PPP2R2B: variants seen among roughly 807,000 people sequenced by gnomAD.
The protein encoded by PPP2R2B is serine/threonine-protein phosphatase 2A 55 kDa regulatory subunit B beta isoform.
Under a neutral mutation model 46.0 loss-of-function variants are expected in PPP2R2B, and 5 were observed. The observed-to-expected ratio is 0.11, with a 90% CI of 0.06 to 0.23. The LOEUF (loss-of-function observed/expected upper bound fraction) is 0.23. PPP2R2B is among the 10% of genes least tolerant of loss of function. PPP2R2B has a pLI of 1.00. For synonymous variants in PPP2R2B, 215 were observed against 206.7 expected, an observed-to-expected ratio of 1.04 and a Z score of -0.34; for missense variants, 367 against 575.0, an observed-to-expected ratio of 0.64 and a Z score of 3.70.
At chr5:146,862,871 A>C (rs116583997) in intron 2 of PPP2R2B, among the ~76,000 whole-genome samples, 3,119 of 151,630 alleles carry the variant, frequency 0.021, 36 homozygotes, top group Middle Eastern at 0.051. Context: ...AAAAAAAAAA[A>C]AAAAAACCCT....
intron 1 of PPP2R2B, among the ~76,000 whole-genome samples, chr5:146,945,508 T>C (rs114290362): frequency 1.6e-3 from 242 of 152,326 alleles, no homozygotes; most frequent in Middle Eastern, 6.8e-3. Flanking sequence ...CCAAGTCCGA[T>C]ATATTGACTA....
At chr5:146,880,657 A>G (rs2151422169), upstream of PPP2R2B, among the ~76,000 whole-genome samples, 1 of 152,336 alleles carries the variant, frequency 6.6e-6, no homozygotes, top group Non-Finnish European at 1.5e-5. Context: ...AGATTGGGAC[A>G]GAGCTGTGTG....
At chr5:146,597,113 G>A (rs1387741440) in intron 8 of PPP2R2B, among the ~76,000 whole-genome samples, 1 of 152,116 alleles carries the variant, frequency 6.6e-6, no homozygotes, top group African/African-American at 2.4e-5. Context: ...TAAGCTTCCT[G>A]CTACCTGTCC....
chr5:146,787,990 G>T (rs1755950214), intron 2 of PPP2R2B, among the ~76,000 whole-genome samples: 1 of 152,184 alleles, frequency 6.6e-6, no homozygotes, highest in South Asian at 2.1e-4. Flanking sequence ...GGAGTTGAGT[G>T]ACAAACTGTC....
At chr5:146,829,115 C>G (rs935826105) in intron 2 of PPP2R2B, among the ~76,000 whole-genome samples, 1 of 152,004 alleles carries the variant, frequency 6.6e-6, no homozygotes, top group African/African-American at 2.4e-5. Flanking sequence ...CATCTTTATT[C>G]TAATAAGAGT....
chr5:146,776,570 T>A (rs1265755964), intron 2 of PPP2R2B, among the ~76,000 whole-genome samples: 1 of 152,066 alleles, frequency 6.6e-6, no homozygotes, highest in African/African-American at 2.4e-5. Context: ...TAATGGCAAA[T>A]GTGTATTATG....
intron 1 of PPP2R2B, among the ~76,000 whole-genome samples, chr5:146,982,810 T>A (rs962582695): frequency 1.3e-5 from 2 of 152,196 alleles, no homozygotes; most frequent in African/African-American, 4.8e-5. Flanking sequence ...TTTAAATTTA[T>A]TTGCTTTAGA....
At chr5:146,650,930 T>C (rs1775911437) in intron 5 of PPP2R2B, among the ~76,000 whole-genome samples, 1 of 152,216 alleles carries the variant, frequency 6.6e-6, no homozygotes, top group Non-Finnish European at 1.5e-5. Flanking sequence ...CACCATCACT[T>C]AGCCCTGGTG....
chr5:147,002,913 G>A (rs1754246132), intron 1 of PPP2R2B, among the ~76,000 whole-genome samples: 1 of 152,074 alleles, frequency 6.6e-6, no homozygotes, highest in Non-Finnish European at 1.5e-5. Flanking sequence ...GCTCACCCTT[G>A]AAATGCATCC....
At chr5:146,693,046 ACT>A (rs1778964674) in intron 4 of PPP2R2B, among the ~76,000 whole-genome samples, 1 of 151,898 alleles carries the variant, frequency 6.6e-6, no homozygotes, top group Non-Finnish European at 1.5e-5. Flanking sequence ...CCCAATCCCC[ACT>A]CTGACGCCAG....
chr5:146,774,333 G>A (rs146440696), intron 2 of PPP2R2B, among the ~76,000 whole-genome samples: 1 of 152,198 alleles, frequency 6.6e-6, no homozygotes, highest in African/African-American at 2.4e-5. Context: ...TCAGCAATGT[G>A]TTTTTGTCTT....
At chr5:146,708,395 ATGTGTGTGTGTATGTG>A (rs1358159560) in intron 2 of PPP2R2B, among the ~76,000 whole-genome samples, 151 of 128,270 alleles carry the variant, frequency 1.2e-3, no homozygotes, top group African/African-American at 4.0e-3. Flanking sequence ...ATATCTATGT[ATGTGTGTGTGTATGTG>A]TGTGTGTGTG....
Position 147,008,958 on chromosome 5 carries a change from G to A in PPP2R2B, c.79+46707C>T, listed in dbSNP as rs191716803. Among the ~76,000 whole-genome samples, 12 of 152,246 alleles carry A rather than the reference G, an allele frequency of 7.9e-5. No individual in the cohort carries two copies. In the East Asian group the frequency reaches 1.5e-3, roughly 20 times the overall value. On this transcript the variant is annotated intron_variant, in intron 1 of 8. Coordinates refer to the PPP2R2B transcript ENST00000336640. ...ATTCACATCGTCCTTAGATTGCACCGTTTGGGCCTCTTTACTGATCTATGC... is the reference window on the plus strand; with the variant it reads ...ATTCACATCGTCCTTAGATTGCACCATTTGGGCCTCTTTACTGATCTATGC...
intron 1 of PPP2R2B, among the ~76,000 whole-genome samples, chr5:146,988,084 A>G (rs1753514066): frequency 6.6e-6 from 1 of 151,996 alleles, no homozygotes; most frequent in South Asian, 2.1e-4. Context: ...TTGTAAATAT[A>G]TATGCACCCA....
At chr5:147,062,470 A>G (rs1454832643) in intron 2 of PPP2R2B, among the ~76,000 whole-genome samples, 2 of 152,164 alleles carry the variant, frequency 1.3e-5, no homozygotes, top group Non-Finnish European at 2.9e-5. Context: ...TATCTCATTG[A>G]ATCCTCCTGA....
At chr5:147,004,302 G>A (rs1295600585) in intron 1 of PPP2R2B, among the ~76,000 whole-genome samples, 2 of 152,088 alleles carry the variant, frequency 1.3e-5, no homozygotes, top group African/African-American at 4.8e-5. Context: ...GCTTCTCTGG[G>A]CCAGAAGCCC....
chr5:146,734,248 G>A (rs982179029), intron 2 of PPP2R2B, among the ~76,000 whole-genome samples: 30 of 151,728 alleles, frequency 2.0e-4, no homozygotes, highest in Admixed American at 2.0e-3. Context: ...GTAGAGATGG[G>A]GCCTCCCTAC....
intron 2 of PPP2R2B, among the ~76,000 whole-genome samples, chr5:146,807,787 T>C (rs1379307222): frequency 1.3e-5 from 1 of 79,918 alleles, no homozygotes; most frequent in African/African-American, 6.2e-5. Context: ...TTTTTTTTTT[T>C]TTTTTTTTTT....
intron 2 of PPP2R2B, among the ~76,000 whole-genome samples, chr5:146,728,710 A>AT (rs1752037269): frequency 6.6e-6 from 1 of 152,168 alleles, no homozygotes; most frequent in Non-Finnish European, 1.5e-5. Flanking sequence ...TTCTCATGAT[A>AT]GTGAATAAGT....
Sources: gnomAD v4.1 joint callset for allele counts (sites outside exome capture counted in the v4.1 genomes callset) on GRCh38, gnomAD v4.1.1 for gene constraint, MANE v1.5 for transcripts, NCBI Gene and HGNC (gene_info 2026-07-23, HGNC 2026-07-21) for gene names.